Variants in NOMO2 observed in about 807,000 individuals in gnomAD.
The protein encoded by NOMO2 is NODAL modulator 2.
NOMO2 carries 14 observed loss-of-function variants against 67.1 expected under a neutral mutation model. The ratio of observed to expected loss-of-function variants is 0.21; its 90% confidence interval spans 0.14 to 0.33. The LOEUF is 0.33. Among genes scored for constraint, NOMO2 ranks in the 10% least tolerant of loss-of-function variants. NOMO2 has a pLI of 1.00. For missense variants in NOMO2, 178 were observed against 761.0 expected, an observed-to-expected ratio of 0.23 and a Z score of 9.01; for synonymous variants, 80 against 305.9, an observed-to-expected ratio of 0.26 and a Z score of 7.71.
intron 9 of NOMO2, among the ~76,000 whole-genome samples, chr16:18,539,689 G>A (rs111775911): frequency 2.6e-5 from 4 of 151,786 alleles, no homozygotes; most frequent in Admixed American, 6.6e-5. Flanking sequence ...CTCGGGATGC[G>A]GAGGTTGCAG....
intron 9 of NOMO2, among the ~76,000 whole-genome samples, chr16:18,539,331 T>G (rs1056197539): frequency 3.3e-5 from 5 of 151,646 alleles, no homozygotes; most frequent in African/African-American, 1.2e-4. Context: ...CAGTCTCCCA[T>G]GCACACCCCG....
chr16:18,531,443 C>G (rs1901295818), intron 13 of NOMO2, 23 bp downstream of exon 13: 8 of 1,613,134 alleles, frequency 5.0e-6, no homozygotes, highest in Non-Finnish European at 6.8e-6. Context: ...ACTATGTGTT[C>G]TTACTTTCCA....
At chr16:18,535,845 G>C (rs971615276) in intron 11 of NOMO2, among the ~76,000 whole-genome samples, 8 of 151,828 alleles carry the variant, frequency 5.3e-5, no homozygotes, top group African/African-American at 1.9e-4. Flanking sequence ...CGGCCAGGCT[G>C]GAGTGCAATG....
chr16:18,560,129 G>T (rs1279731893), intron 1 of NOMO2, among the ~76,000 whole-genome samples: 3 of 151,810 alleles, frequency 2.0e-5, no homozygotes, highest in Admixed American at 6.6e-5. Context: ...GAAATATCAT[G>T]ATTATTTCTA....
At chr16:18,550,306 T>C (rs1596859069) in intron 4 of NOMO2, among the ~76,000 whole-genome samples, 1 of 138,780 alleles carries the variant, frequency 7.2e-6, no homozygotes, top group Non-Finnish European at 1.6e-5. Context: ...GAGGTGGAGG[T>C]TGTGGTGAGA....
rs756246897 is a variant in NOMO2, at chr16:18,561,173, TAAA to T, written c.165+700_165+702del. Among the ~76,000 whole-genome samples, 69 of 32,452 alleles carry T rather than the reference TAAA, an allele frequency of 2.1e-3. No individual in the cohort carries two copies. In the East Asian group the frequency reaches 0.042, roughly 20 times the overall value. The allele number at this position is 32,452 out of a possible 152,430, so 21.3% of individuals were successfully genotyped here. A position where few individuals can be genotyped will look rare whatever the true frequency, so the allele number is the denominator to read the frequency against. Reference sequence around the variant, plus strand: ...ATTTAACAGGACTTTACAACTTAATTAAAAAAAAAAAAAAAAAAAAAAAAAAAA... The same window carrying T: ...ATTTAACAGGACTTTACAACTTAATTAAAAAAAAAAAAAAAAAAAAAAAAA... On this transcript the variant is annotated intron_variant, in intron 1 of 30. Transcript: ENST00000622306.
At chr16:18,539,649 C>T (rs1281998456) in intron 9 of NOMO2, among the ~76,000 whole-genome samples, 4 of 151,790 alleles carry the variant, frequency 2.6e-5, no homozygotes, top group African/African-American at 4.8e-5. Context: ...CCCAGCTACT[C>T]GGGAGGCTGA....
chr16:18,534,020 T>TA (rs1392735681), intron 11 of NOMO2, among the ~76,000 whole-genome samples: 19 of 151,998 alleles, frequency 1.3e-4, no homozygotes, highest in Non-Finnish European at 2.6e-4. Flanking sequence ...TCATTTTAGA[T>TA]AAAAATTAGT....
intron 14 of NOMO2, among the ~76,000 whole-genome samples, chr16:18,530,179 G>A (rs1182365349): frequency 1.3e-5 from 1 of 79,406 alleles, no homozygotes; most frequent in African/African-American, 4.2e-5. Flanking sequence ...ATCTAATGGG[G>A]CCTGTAAGAT....
chr16:18,520,370 T>TC (rs1567236611), intron 20 of NOMO2, among the ~76,000 whole-genome samples: 22 of 116,026 alleles, frequency 1.9e-4, no homozygotes, highest in Non-Finnish European at 2.8e-4. Flanking sequence ...AATCATTCAT[T>TC]CATCCATCCA....
At chr16:18,559,190 A>G (rs1901981865) in intron 1 of NOMO2, among the ~76,000 whole-genome samples, 1 of 152,158 alleles carries the variant, frequency 6.6e-6, no homozygotes, top group South Asian at 2.1e-4. Context: ...AATAAGTAAA[A>G]TGGAAAAAGC....
At chr16:18,558,869 T>C (rs1480690988) in intron 1 of NOMO2, 1 of 455,364 alleles carries the variant, frequency 2.2e-6, no homozygotes, top group African/African-American at 2.0e-5. Context: ...AGAATATGGA[T>C]TCAAAGAAAA....
chr16:18,553,412 T>G (rs1220810375), intron 3 of NOMO2, among the ~76,000 whole-genome samples: 1 of 151,498 alleles, frequency 6.6e-6, no homozygotes, highest in Admixed American at 6.6e-5. Flanking sequence ...TGAAAGAAAC[T>G]GGATATTAAA....
intron 16 of NOMO2, among the ~76,000 whole-genome samples, chr16:18,526,695 C>G (rs1279802247): frequency 6.6e-6 from 1 of 151,632 alleles, no homozygotes; most frequent in East Asian, 1.9e-4. Flanking sequence ...CCAAAAAAAG[C>G]CAATCCATGG....
intron 3 of NOMO2, among the ~76,000 whole-genome samples, chr16:18,553,260 T>C (rs1901830968): frequency 6.6e-6 from 1 of 150,684 alleles, no homozygotes; most frequent in African/African-American, 2.4e-5. Flanking sequence ...CGAGACTCAG[T>C]CTCAAAAAAA....
intron 1 of NOMO2, among the ~76,000 whole-genome samples, chr16:18,561,287 G>A (rs1378226923): frequency 1.4e-5 from 2 of 147,790 alleles, no homozygotes; most frequent in East Asian, 2.0e-4. Context: ...ATTTTCAGAA[G>A]TGGAGGGGAG....
intron 3 of NOMO2, among the ~76,000 whole-genome samples, chr16:18,554,142 T>G (rs1332333408): frequency 2.0e-5 from 3 of 151,968 alleles, no homozygotes; most frequent in African/African-American, 7.3e-5. Context: ...TGAGGAAAGT[T>G]TGGAGCTTTT....
chr16:18,538,574 A>T lies in NOMO2; in HGVS notation c.1172T>A (p.Ile391Asn), dbSNP rs1221194311. 1 of 1,613,200 alleles carries T rather than the reference A, an allele frequency of 6.2e-7. No individual in the cohort carries two copies. Among genetic ancestry groups the T allele is most frequent in the Non-Finnish European group, 8.5e-7 (1 of 1,179,674 alleles). ...KEHLYFETVTIKIAPNTPQLA... is the reference protein window; with the variant it reads ...KEHLYFETVTNKIAPNTPQLA... ...CTGAGGTGTGTTCGGTGCAATTTTG[A>T]TGGTGACCGTTTCAAAGTAGAGGTG... The change falls in exon 11 of 31, where the codon ATC becomes AAC. Residue 391 changes from isoleucine to asparagine, a missense_variant. Transcript: ENST00000622306.
In NOMO2 at chr16:18,533,128, C is replaced by T; in HGVS notation, c.1272G>A (p.Lys424=). The change falls in exon 12 of 31, where the codon AAG becomes AAA. Residue 424 remains lysine (K), a synonymous_variant. Coordinates refer to ENST00000622306, the MANE Select transcript of NOMO2 (RefSeq NM_173614.4). ...GGACAACTTTGTATTTATTCATCTGCTTGACGGTGTCCGGGAAGCGAATGA... is the reference window on the plus strand; with the variant it reads ...GGACAACTTTGTATTTATTCATCTGTTTGACGGTGTCCGGGAAGCGAATGA... The part of the protein sequence containing the change: ...ISIIRFPDTV[K]QMNKYKVVLS... 6.2e-7 allele frequency: 1 copy of T among 1,611,464 alleles called. No individual in the cohort carries two copies. The highest frequency in any genetic ancestry group is 8.5e-7 in the Non-Finnish European group (1 of 1,179,740).
Sources: gnomAD v4.1 joint callset for allele counts (sites outside exome capture counted in the v4.1 genomes callset) on GRCh38, gnomAD v4.1.1 for gene constraint, MANE v1.5 for transcripts, NCBI Gene and HGNC (gene_info 2026-07-23, HGNC 2026-07-21) for gene names.